The following TRIB3 variants were observed in gnomAD, a reference collection of about 807,000 sequenced individuals.
TRIB3 encodes the protein tribbles pseudokinase 3, also known as tribbles homolog 3.
Under a neutral mutation model 16.6 loss-of-function variants are expected in TRIB3, and 20 were observed. The observed-to-expected ratio is 1.20, with a 90% CI of 0.85 to 1.75. The LOEUF (loss-of-function observed/expected upper bound fraction) is 1.75. Among genes scored for constraint, TRIB3 ranks in the 40% most tolerant of loss-of-function variants. The pLI is 0.00. For synonymous variants in TRIB3, 208 were observed against 217.0 expected, an observed-to-expected ratio of 0.96 and a Z score of 0.36; for missense variants, 484 against 488.9, an observed-to-expected ratio of 0.99 and a Z score of 0.10.
In TRIB3 at chr20:391,554, C is replaced by A. The variant is rs931185651; in HGVS notation, c.559C>A (p.Arg187Ser). ...GLVLRDLKLCRFVFADRERKK... is the reference protein window; with the variant it reads ...GLVLRDLKLCSFVFADRERKK... ...GGTCCTGCGTGATCTCAAGCTGTGT[C>A]GCTTTGTCTTCGCTGACCGTGAGAG... Residue 187 changes from arginine (R) to serine (S), a missense_variant, in exon 3 of 4, where the codon CGC (arginine) becomes AGC (serine). By Grantham distance (110) the Arg-to-Ser change is moderately radical. Coordinates refer to ENST00000217233, the MANE Select transcript of TRIB3 (RefSeq NM_021158.5). 1 of 1,611,468 alleles carries A rather than the reference C, an allele frequency of 6.2e-7. No homozygotes were observed. The highest frequency in any genetic ancestry group is 1.7e-5 in the Admixed American group (1 of 59,998).
At chr20:387,868 T>G (rs536871192) in intron 1 of TRIB3, 143 bp from the exon 2 acceptor site, 20 of 977,510 alleles carry the variant, frequency 2.0e-5, no homozygotes, top group African/African-American at 2.0e-4. Flanking sequence ...GGGCACCCAG[T>G]TAAGGATATG....
At chr20:382,710 A>G in intron 1 of TRIB3, 1 of 912,476 alleles carries the variant, frequency 1.1e-6, no homozygotes, top group Middle Eastern at 2.1e-4. Context: ...TTCCCACTTT[A>G]CAGGAACTGA....
In TRIB3 at chr20:390,874, T is replaced by TG. The variant is rs562775490; in HGVS notation, c.292-412dup. Among the ~76,000 whole-genome samples, 210 of 152,046 alleles carry TG rather than the reference T, an allele frequency of 1.4e-3. 2 individuals are homozygous for TG. Among genetic ancestry groups the TG allele is most frequent in the African/African-American group, 4.8e-3 (199 of 41,464 alleles). Reference sequence around the variant, plus strand: ...AAAATTAGCTAGGTGCGGTGGCACATGCCTGTAATCCCAGCTACACTGGGG... The same window carrying TG: ...AAAATTAGCTAGGTGCGGTGGCACATGGCCTGTAATCCCAGCTACACTGGGG... On this transcript the variant is annotated intron_variant, in intron 2 of 3. Coordinates refer to ENST00000217233, the MANE Select transcript of TRIB3 (RefSeq NM_021158.5).
chr20:384,846 A>G (rs1274558061), intron 1 of TRIB3, among the ~76,000 whole-genome samples: 2 of 152,190 alleles, frequency 1.3e-5, no homozygotes, highest in African/African-American at 4.8e-5. Flanking sequence ...GAAATGAGGA[A>G]GTTGGGCCCT....
At chr20:388,372 A>G (rs946907636) in intron 2 of TRIB3, 71 bp downstream of exon 2, 13 of 1,485,734 alleles carry the variant, frequency 8.7e-6, no homozygotes, top group Non-Finnish European at 1.2e-5. Flanking sequence ...AAGGATTGCC[A>G]GGGTGCAGAG....
chr20:393,655 T>C (rs2015039805), intron 3 of TRIB3, among the ~76,000 whole-genome samples: 1 of 152,178 alleles, frequency 6.6e-6, no homozygotes, highest in Non-Finnish European at 1.5e-5. Flanking sequence ...ATCAGTTACT[T>C]TGTATGTCCC....
At chr20:391,090 A>C (rs2014962723) in intron 2 of TRIB3, among the ~76,000 whole-genome samples, 197 bp from the exon 3 acceptor site, 1 of 151,058 alleles carries the variant, frequency 6.6e-6, no homozygotes, top group Non-Finnish European at 1.5e-5. Context: ...GTGGCCTCTC[A>C]GCTTCGTTAA....
At chr20:386,230 G>A (rs982730663) in intron 1 of TRIB3, among the ~76,000 whole-genome samples, 2 of 152,024 alleles carry the variant, frequency 1.3e-5, no homozygotes, top group African/African-American at 4.8e-5. Context: ...CAAGACTGCT[G>A]TCTAACCTAC....
chr20:393,739 T>TC (rs1201811346), intron 3 of TRIB3, among the ~76,000 whole-genome samples: 1 of 152,192 alleles, frequency 6.6e-6, no homozygotes, highest in Non-Finnish European at 1.5e-5. Context: ...CAACACAGAA[T>TC]CGATAGGCCC....
Position 391,565 on chromosome 20 carries a change from C to T in TRIB3, c.570C>T (p.Phe190=), listed in dbSNP as rs749629123. The T allele has an allele frequency of 4.3e-6, 7 of 1,609,516 alleles. No homozygotes were observed. Among genetic ancestry groups the T allele is most frequent in the African/African-American group, 2.7e-5 (2 of 74,906 alleles). The part of the protein sequence containing the change: ...LRDLKLCRFV[F]ADRERKKLVL... ...ATCTCAAGCTGTGTCGCTTTGTCTTCGCTGACCGTGAGAGGTGAGTGTGGT... is the reference window on the plus strand; with the variant it reads ...ATCTCAAGCTGTGTCGCTTTGTCTTTGCTGACCGTGAGAGGTGAGTGTGGT... The change falls in exon 3 of 4, where the codon TTC becomes TTT. Residue 190 remains phenylalanine, a synonymous_variant. Coordinates refer to ENST00000217233, the MANE Select transcript of TRIB3 (RefSeq NM_021158.5).
chr20:387,041 A>T (rs6051609), intron 1 of TRIB3, among the ~76,000 whole-genome samples: 3 of 152,080 alleles, frequency 2.0e-5, no homozygotes, highest in African/African-American at 7.2e-5. Context: ...GTGAGCCACC[A>T]CGCCTGGCCA....
chr20:388,502 C>T (rs1006501510), intron 2 of TRIB3, among the ~76,000 whole-genome samples: 21 of 152,194 alleles, frequency 1.4e-4, no homozygotes, highest in African/African-American at 4.8e-4. Flanking sequence ...GAGTTCACAG[C>T]TTAGGCCCTA....
intron 1 of TRIB3, among the ~76,000 whole-genome samples, chr20:387,558 A>AGG (rs2014852661): frequency 6.6e-6 from 1 of 150,846 alleles, no homozygotes; most frequent in African/African-American, 2.4e-5. Flanking sequence ...CTTGGGGAAA[A>AGG]AAAAAAAAAA....
rs6076497 is a variant in TRIB3 at position 396,639 on chromosome 20, G to A, written c.1026G>A (p.Leu342=). The A allele has an allele frequency of 4.3e-6, 7 of 1,612,852 alleles. No individual in the cohort carries two copies. In the African/African-American group the frequency reaches 8.0e-5, roughly 18 times the overall value. Residue 342 remains leucine (L), a synonymous_variant, in exon 4 of 4, where the codon CTG becomes CTA. Transcript: ENST00000217233. ...AAQVVPDGLG[L]DEAREEEGDR... ...AGGTGGTCCCTGATGGACTGGGGCTGGACGAAGCCAGGGAAGAGGAGGGAG... is the reference window on the plus strand; with the variant it reads ...AGGTGGTCCCTGATGGACTGGGGCTAGACGAAGCCAGGGAAGAGGAGGGAG...
chr20:382,515 G>C (rs2014689609), intron 1 of TRIB3: 6 of 1,535,066 alleles, frequency 3.9e-6, no homozygotes, highest in Non-Finnish European at 5.2e-6. Flanking sequence ...TCCCAGCCTC[G>C]AACCTGGGGA....
In TRIB3 at chr20:386,721, C is replaced by T. The variant is rs916170423; in HGVS notation, c.1-1290C>T. On this transcript the variant is annotated intron_variant, in intron 1 of 3. Transcript: ENST00000217233. ...CCAAGTAGCTGGGATTACAGGCCCA[C>T]GCCACCACGCCTGGCTAATTTTTCT... 6.6e-5 allele frequency among the ~76,000 whole-genome samples: 10 copies of T among 152,130 alleles called. No homozygotes were observed. The South Asian group carries it at 8.3e-4, about 13-fold the overall frequency.
intron 2 of TRIB3, 95 bp downstream of exon 2, chr20:388,396 C>A: frequency 7.1e-7 from 1 of 1,402,840 alleles, no homozygotes; most frequent in Non-Finnish European, 9.5e-7. Context: ...TCCTTATGTT[C>A]ATTCATTCTT....
chr20:391,343 G>A lies in TRIB3; in HGVS notation c.348G>A (p.Pro116=), dbSNP rs765452970. ...AVLEPYARLP[P]HKHVARPTEV... The stretch of plus-strand genomic sequence containing the variant: ...TGGAGCCCTATGCGCGGCTGCCCCC[G>A]CACAAGCATGTGGCTCGGCCCACTG... Residue 116 remains proline, a synonymous_variant, in exon 3 of 4, where the codon CCG becomes CCA. Coordinates refer to ENST00000217233, the MANE Select transcript of TRIB3 (RefSeq NM_021158.5). 102 of 1,613,224 alleles carry A rather than the reference G, an allele frequency of 6.3e-5. No homozygotes were observed. The highest frequency in any genetic ancestry group is 7.7e-5 in the Non-Finnish European group (91 of 1,180,002).
At chr20:395,613 C>T (rs1199074679) in intron 3 of TRIB3, among the ~76,000 whole-genome samples, 6 of 152,050 alleles carry the variant, frequency 3.9e-5, no homozygotes, top group Admixed American at 3.9e-4. Flanking sequence ...TTGGGAACTG[C>T]GAGGGTGGGT....
Sources: gnomAD v4.1 joint callset for allele counts (sites outside exome capture counted in the v4.1 genomes callset) on GRCh38, gnomAD v4.1.1 for gene constraint, MANE v1.5 for transcripts, NCBI Gene and HGNC (gene_info 2026-07-23, HGNC 2026-07-21) for gene names.